ANKRD30B: variants seen among roughly 807,000 people sequenced by gnomAD.
ANKRD30B encodes the protein ankyrin repeat domain-containing protein 30B.
In ANKRD30B, 144 loss-of-function variants were observed where a neutral mutation model predicts 202.2. The observed-to-expected ratio is 0.71, with a 90% CI of 0.62 to 0.82. The LOEUF is 0.82. ANKRD30B is among the 40% of genes least tolerant of loss of function. ANKRD30B has a pLI of 0.00. For synonymous variants in ANKRD30B, 508 were observed against 561.3 expected, an observed-to-expected ratio of 0.91 and a Z score of 1.34; for missense variants, 1,487 against 1,669.1, an observed-to-expected ratio of 0.89 and a Z score of 1.90.
At chr18:14,861,104 A>C in the ANKRD30B span, among the ~76,000 whole-genome samples, 1 of 152,188 alleles carries the variant, frequency 6.6e-6, no homozygotes, top group Non-Finnish European at 1.5e-5. Context: ...CTCCAGACTG[A>C]CTCTAAAAGA....
the ANKRD30B span, among the ~76,000 whole-genome samples, chr18:14,860,478 C>T: frequency 1.4e-5 from 2 of 139,046 alleles, no homozygotes; most frequent in African/African-American, 5.4e-5. Flanking sequence ...CAGGCAGAGG[C>T]ACTCCTCACC....
chr18:14,840,697 T>A lies in ANKRD30B; in HGVS notation c.3079+19T>A, dbSNP rs539764629. The A allele has an allele frequency of 1.5e-6, 2 of 1,334,412 alleles. No individual in the cohort carries two copies. Among genetic ancestry groups the A allele is most frequent in the Admixed American group, 4.7e-5 (2 of 42,776 alleles). 82.7% of individuals were successfully genotyped at this position (1,334,412 alleles called of 1,614,324 possible). On this transcript the variant is annotated intron_variant, in intron 37 of 43. Transcript: ENST00000690538. The stretch of plus-strand genomic sequence containing the variant: ...ATAGAAGGTAAGAACCATTTTTTAT[T>A]TAAAACATCTTTTGTCCAAATGTTT...
At chr18:14,843,761 T>C (rs1012999485) in intron 39 of ANKRD30B, among the ~76,000 whole-genome samples, 6 of 151,440 alleles carry the variant, frequency 4.0e-5, no homozygotes, top group Non-Finnish European at 8.8e-5. Flanking sequence ...GCCACTGCAC[T>C]CCAGCCTAGG....
In ANKRD30B at chr18:14,853,827, C is replaced by A. The variant is rs577059566; in HGVS notation, c.4495C>A (p.Gln1499Lys). The change falls in exon 43 of 44, where the codon CAA becomes AAA. Residue 1499 changes from glutamine to lysine, a missense_variant. Gln to Lys is a moderately conservative substitution (Grantham distance 53). Around this residue, in one of 6 missense-constraint regions of ANKRD30B, gnomAD observed 182 missense variants for 216.0 expected, o/e 0.84. Transcript: ENST00000690538. ...AEREVIVRQL[Q>K]KKLADLNKQC... Reference sequence around the variant, plus strand: ...TTTTCAGGTCATTGTGAGACAACTTCAAAAAAAATTGGCGGATCTTAATAA... The same window carrying A: ...TTTTCAGGTCATTGTGAGACAACTTAAAAAAAAATTGGCGGATCTTAATAA... 7.9e-5 allele frequency among the ~76,000 whole-genome samples: 12 copies of A among 151,716 alleles called. No homozygotes were observed. Among genetic ancestry groups the A allele is most frequent in the Non-Finnish European group, 1.6e-4 (11 of 67,918 alleles).
At chr18:14,792,516 G>C (rs1193620797) in intron 16 of ANKRD30B, among the ~76,000 whole-genome samples, 1 of 151,974 alleles carries the variant, frequency 6.6e-6, no homozygotes, top group Non-Finnish European at 1.5e-5. Context: ...AGATTATGAG[G>C]CAGGAAGCAG....
chr18:14,890,289 C>G, the ANKRD30B span, among the ~76,000 whole-genome samples: 1 of 151,950 alleles, frequency 6.6e-6, no homozygotes, highest in African/African-American at 2.4e-5. Context: ...GAAGTGCAAA[C>G]TGACGGTTTT....
intron 14 of ANKRD30B, among the ~76,000 whole-genome samples, chr18:14,784,877 C>T (rs559954757): frequency 3.6e-4 from 55 of 152,224 alleles, no homozygotes; most frequent in South Asian, 2.1e-4. Flanking sequence ...TCAGATTCCA[C>T]GGTTTACTTC....
chr18:14,918,416 T>C, the ANKRD30B span, among the ~76,000 whole-genome samples: 29 of 152,184 alleles, frequency 1.9e-4, no homozygotes, highest in Non-Finnish European at 3.7e-4. Flanking sequence ...TAGGAGCGTA[T>C]TAATATCTTA....
Position 14,778,075 on chromosome 18 carries a change from G to A in ANKRD30B, c.1420G>A (p.Asp474Asn). 5.2e-6 allele frequency: 8 copies of A among 1,526,214 alleles called. No homozygotes were observed. The highest frequency in any genetic ancestry group is 7.1e-6 in the Non-Finnish European group (8 of 1,126,324). 94.5% of individuals were successfully genotyped at this position (1,526,214 alleles called of 1,614,324 possible). A position where few individuals can be genotyped will look rare whatever the true frequency, so the allele number is the denominator to read the frequency against. The change falls in exon 10 of 44, where the codon GAT (aspartate) becomes AAT (asparagine). Residue 474 changes from aspartate (D) to asparagine (N), a missense_variant and splice_region_variant. Asp to Asn is a conservative substitution (Grantham distance 23). Around this residue, in one of 6 missense-constraint regions of ANKRD30B, gnomAD observed 889 missense variants for 841.4 expected, o/e 1.06. Transcript: ENST00000690538. ...CAAAACAATAAATCACAAAATAGAAGGTAAGAACCATTTTTTATTTAAAAC... is the reference window on the plus strand; with the variant it reads ...CAAAACAATAAATCACAAAATAGAAAGTAAGAACCATTTTTTATTTAAAAC... ...DIKTINHKIE[D>N]QMFPSESKRE...
chr18:14,867,077 A>G, the ANKRD30B span, among the ~76,000 whole-genome samples: 1 of 127,018 alleles, frequency 7.9e-6, no homozygotes, highest in African/African-American at 3.0e-5. Flanking sequence ...CCGGGCGTTC[A>G]CTGCCTGTGA....
chr18:14,889,418 A>G, the ANKRD30B span, among the ~76,000 whole-genome samples: 1 of 152,176 alleles, frequency 6.6e-6, no homozygotes, highest in South Asian at 2.1e-4. Context: ...CTGTATCATT[A>G]TATAATTAGC....
At chr18:14,756,460 T>C (rs1483651145) in intron 4 of ANKRD30B, among the ~76,000 whole-genome samples, 2 of 152,226 alleles carry the variant, frequency 1.3e-5, no homozygotes, top group Non-Finnish European at 2.9e-5. Context: ...TTTGGTGTTT[T>C]AGATGTGAAG....
the ANKRD30B span, among the ~76,000 whole-genome samples, chr18:14,935,730 C>T: frequency 0.019 from 2,888 of 152,274 alleles, 102 homozygotes; most frequent in African/African-American, 0.065. Context: ...TGCATGCACA[C>T]GTGTATGTGT....
chr18:14,844,763 A>G (rs889067919), intron 39 of ANKRD30B, among the ~76,000 whole-genome samples: 1 of 152,076 alleles, frequency 6.6e-6, no homozygotes, highest in Non-Finnish European at 1.5e-5. Context: ...CTGACTTTTT[A>G]ATGATCGCCA....
At position 14,852,414 on chromosome 18, in the gene ANKRD30B, A is replaced by G. The variant is rs761734121; in HGVS notation, c.4470A>G (p.Glu1490=). 6 of 1,517,398 alleles carry G rather than the reference A, an allele frequency of 4.0e-6. No individual in the cohort carries two copies. The highest frequency in any genetic ancestry group is 1.7e-4 in the Middle Eastern group (1 of 5,856). The allele number at this position is 1,517,398 out of a possible 1,614,324, so 94.0% of individuals were successfully genotyped here. A position where few individuals can be genotyped will look rare whatever the true frequency, so the allele number is the denominator to read the frequency against. The stretch of plus-strand genomic sequence containing the variant: ...ATCAATATGAAAAAGAGAAAGCAGA[A>G]AGAGAAGTAAGTATCAAAAAATATA... ...RIDQYEKEKA[E]REVIVRQLQK... The change falls in exon 42 of 44, where the codon GAA becomes GAG. Residue 1490 remains glutamate, a synonymous_variant. Coordinates refer to ENST00000690538, the MANE Select transcript of ANKRD30B (RefSeq NM_001367607.2).
Position 14,810,242 on chromosome 18 carries a change from A to C in ANKRD30B, c.2488+62A>C. On this transcript the variant is annotated intron_variant, in intron 28 of 43. Coordinates refer to ENST00000690538, the MANE Select transcript of ANKRD30B (RefSeq NM_001367607.2). Reference sequence around the variant, plus strand: ...GAATATTAAACTATTTGAAATGCTGAGAGCCTTTTATTCCCAAAGTTGTTT... The same window carrying C: ...GAATATTAAACTATTTGAAATGCTGCGAGCCTTTTATTCCCAAAGTTGTTT... The C allele has an allele frequency of 2.9e-6, 3 of 1,049,424 alleles. No individual in the cohort carries two copies. The South Asian group carries it at 5.0e-5, about 17-fold the overall frequency. 65.0% of individuals were successfully genotyped at this position (1,049,424 alleles called of 1,614,324 possible).
At position 14,854,520 on chromosome 18, in the gene ANKRD30B, G is replaced by C. The variant is rs548446191; in HGVS notation, c.*362G>C. On this transcript the variant is annotated 3_prime_UTR_variant, in exon 44 of 44. Coordinates refer to ENST00000690538, the MANE Select transcript of ANKRD30B (RefSeq NM_001367607.2). ...ATCCCTGACACGTTCAGTGTTTTCAGTTATTTTTCTTGGCTGTAGGAATGT... is the reference window on the plus strand; with the variant it reads ...ATCCCTGACACGTTCAGTGTTTTCACTTATTTTTCTTGGCTGTAGGAATGT... Among the ~76,000 whole-genome samples, 1 of 152,220 alleles carries C rather than the reference G, an allele frequency of 6.6e-6. No homozygotes were observed. The highest frequency in any genetic ancestry group is 2.1e-4 in the South Asian group (1 of 4,818).
rs962768523 is a variant in ANKRD30B at position 14,854,536 on chromosome 18, G to T, written c.*378G>T. Among the ~76,000 whole-genome samples, 2 of 152,174 alleles carry T rather than the reference G, an allele frequency of 1.3e-5. No individual in the cohort carries two copies. The highest frequency in any genetic ancestry group is 4.8e-5 in the African/African-American group (2 of 41,426). ...GTGTTTTCAGTTATTTTTCTTGGCT[G>T]TAGGAATGTCACAATGGACTGCAGA... On this transcript the variant is annotated 3_prime_UTR_variant, in exon 44 of 44. Transcript: ENST00000690538.
chr18:14,818,867 G>A (rs1259962696), intron 30 of ANKRD30B, among the ~76,000 whole-genome samples: 1 of 151,820 alleles, frequency 6.6e-6, no homozygotes, highest in Non-Finnish European at 1.5e-5. Flanking sequence ...AGTCCTTTGG[G>A]TATATACCCA....
Sources: allele counts gnomAD v4.1 joint callset (sites outside exome capture counted in the v4.1 genomes callset), GRCh38; gene constraint gnomAD v4.1.1; regional missense constraint gnomAD v4.1.1; transcripts MANE v1.5; gene names NCBI Gene and HGNC (gene_info 2026-07-23, HGNC 2026-07-21).